RBFOX1: variants seen among roughly 807,000 people sequenced by gnomAD.
RBFOX1 encodes RNA binding fox-1 homolog 1, also known as RNA binding protein fox-1 homolog 1.
A neutral mutation model predicts 57.7 loss-of-function variants in RBFOX1; 8 were observed. That is an observed-to-expected ratio of 0.14 (90% confidence interval 0.08 to 0.25). The LOEUF (loss-of-function observed/expected upper bound fraction) is 0.25, where lower values mean the gene tolerates loss of function less well. RBFOX1 is among the 10% of genes least tolerant of loss of function. The pLI is 1.00. For missense variants in RBFOX1, 611 were observed against 548.5 expected (o/e 1.11, Z -1.14); for synonymous variants, 326 against 222.4 (o/e 1.47, Z -4.15).
chr16:6,945,188 G>A (rs2079258184), intron 3 of RBFOX1, among the ~76,000 whole-genome samples: 1 of 152,130 alleles, frequency 6.6e-6, no homozygotes, highest in Non-Finnish European at 1.5e-5. Flanking sequence ...ACCTCAGACT[G>A]CTTAGGAAAG....
Position 7,449,816 on chromosome 16 carries a change from A to T in RBFOX1, c.28-68331A>T, listed in dbSNP as rs943966879. ...ACACTGCTTCTGTGACATAAAGAGA[A>T]CACCTTCACAGGGTAAAGTGTTCTT... On this transcript the variant is annotated intron_variant, in intron 4 of 15. Coordinates refer to ENST00000550418, the MANE Select transcript of RBFOX1 (RefSeq NM_018723.4). Among the ~76,000 whole-genome samples the T allele has an allele frequency of 2.6e-5, 4 of 152,014 alleles. No individual in the cohort carries two copies. In the South Asian group the frequency reaches 8.3e-4, roughly 32 times the overall value.
At chr16:6,511,081 C>T (rs941870012) in intron 2 of RBFOX1, among the ~76,000 whole-genome samples, 6 of 152,102 alleles carry the variant, frequency 3.9e-5, no homozygotes, top group African/African-American at 7.2e-5. Context: ...ATTGAGGTAG[C>T]GTGGATCAGA....
chr16:6,171,781 G>T (rs2096962359), intron 1 of RBFOX1, among the ~76,000 whole-genome samples: 1 of 150,368 alleles, frequency 6.7e-6, no homozygotes, highest in East Asian at 2.0e-4. Flanking sequence ...CAAAGGGTCT[G>T]GGTGACTTGG....
At position 5,255,322 on chromosome 16, in the gene RBFOX1, TTCCA is replaced by T. The variant is rs3041858; in HGVS notation, c.219+15245_219+15248del. Among the ~76,000 whole-genome samples the T allele has an allele frequency of 6.1e-3, 732 of 119,472 alleles. 4 individuals carry two copies. The highest frequency in any genetic ancestry group is 8.1e-3 in the Non-Finnish European group (452 of 55,940). The allele number at this position is 119,472 out of a possible 152,430, so 78.4% of individuals were successfully genotyped here. A position where few individuals can be genotyped will look rare whatever the true frequency, so the allele number is the denominator to read the frequency against. On this transcript the variant is annotated intron_variant, in intron 1 of 2. Coordinates refer to the RBFOX1 transcript ENST00000585867. ...TGTCCGCCTATCCGTCCACACTTCCTTCCATCCATCCATCCATCCATCCATCCAT... is the reference window on the plus strand; with the variant it reads ...TGTCCGCCTATCCGTCCACACTTCCTTCCATCCATCCATCCATCCATCCAT...
chr16:6,095,893 G>A (rs1204437615), intron 1 of RBFOX1, among the ~76,000 whole-genome samples: 1 of 152,158 alleles, frequency 6.6e-6, no homozygotes, highest in African/African-American at 2.4e-5. Context: ...CTCCTGGCGT[G>A]CCTTCCCACA....
intron 4 of RBFOX1, among the ~76,000 whole-genome samples, chr16:6,009,819 T>C (rs939789522): frequency 1.3e-5 from 2 of 151,232 alleles, no homozygotes; most frequent in African/African-American, 4.8e-5. Flanking sequence ...TGTGTGTCTG[T>C]GTGTGTGTGT....
At chr16:7,312,249 G>C (rs899428882) in intron 4 of RBFOX1, among the ~76,000 whole-genome samples, 9 of 152,122 alleles carry the variant, frequency 5.9e-5, no homozygotes, top group African/African-American at 2.2e-4. Context: ...GCGTGGTGGA[G>C]CACACTTGTA....
chr16:6,863,339 G>T (rs984235415), intron 3 of RBFOX1, among the ~76,000 whole-genome samples: 3 of 152,012 alleles, frequency 2.0e-5, no homozygotes, highest in African/African-American at 4.8e-5. Flanking sequence ...ACAAAACGTG[G>T]CTCACCAGGA....
intron 2 of RBFOX1, among the ~76,000 whole-genome samples, chr16:6,409,656 G>T (rs1250815766): frequency 6.6e-6 from 1 of 152,056 alleles, no homozygotes; most frequent in Non-Finnish European, 1.5e-5. Flanking sequence ...AAAATAATAT[G>T]GTCCCCAAAT....
intron 3 of RBFOX1, among the ~76,000 whole-genome samples, chr16:7,012,656 T>C (rs118168470): frequency 0.013 from 1,948 of 152,308 alleles, 18 homozygotes; most frequent in Admixed American, 0.027. Context: ...CCTTTCTTTA[T>C]TATGGGACAA....
chr16:7,304,833 T>C (rs1030806599), intron 4 of RBFOX1, among the ~76,000 whole-genome samples: 1 of 152,074 alleles, frequency 6.6e-6, no homozygotes, highest in Non-Finnish European at 1.5e-5. Context: ...TTTGAATCTT[T>C]GTGGAGGCAT....
intron 4 of RBFOX1, among the ~76,000 whole-genome samples, chr16:7,360,702 C>T (rs1041969102): frequency 2.0e-5 from 3 of 152,202 alleles, no homozygotes; most frequent in Non-Finnish European, 4.4e-5. Flanking sequence ...TAAATCTTCT[C>T]TGGATAATGC....
chr16:6,236,650 C>A (rs536692871), intron 1 of RBFOX1, among the ~76,000 whole-genome samples: 42 of 152,022 alleles, frequency 2.8e-4, no homozygotes, highest in African/African-American at 9.4e-4. Context: ...GGGGTTTCAC[C>A]ATGTTGTCCA....
intron 1 of RBFOX1, among the ~76,000 whole-genome samples, chr16:6,223,797 A>G (rs1231036072): frequency 1.3e-5 from 2 of 152,156 alleles, no homozygotes. Context: ...CTTGAATGGT[A>G]ATGCCTAGGT....
intron 4 of RBFOX1, among the ~76,000 whole-genome samples, chr16:7,220,070 C>G (rs1406749695): frequency 1.3e-5 from 2 of 152,030 alleles, no homozygotes; most frequent in African/African-American, 4.8e-5. Flanking sequence ...ATTGTTTGAC[C>G]TTAGAGAGAT....
chr16:6,018,644 C>T (rs951682526), upstream of RBFOX1, among the ~76,000 whole-genome samples: 2 of 152,094 alleles, frequency 1.3e-5, no homozygotes, highest in Non-Finnish European at 2.9e-5. Flanking sequence ...GGATAGGGCT[C>T]GATCTCTGCC....
intron 4 of RBFOX1, among the ~76,000 whole-genome samples, chr16:7,279,396 T>C (rs1225229694): frequency 6.6e-6 from 1 of 152,222 alleles, no homozygotes; most frequent in African/African-American, 2.4e-5. Context: ...CTTGAATTCA[T>C]TTCTCTGTGC....
chr16:7,549,405 A>G (rs1261218523), intron 5 of RBFOX1, among the ~76,000 whole-genome samples: 1 of 152,244 alleles, frequency 6.6e-6, no homozygotes, highest in East Asian at 1.9e-4. Context: ...GTTTTGAAGC[A>G]TGAAGAGTAC....
At chr16:5,889,974 G>A (rs1038223610) in intron 4 of RBFOX1, among the ~76,000 whole-genome samples, 2 of 152,240 alleles carry the variant, frequency 1.3e-5, no homozygotes, top group African/African-American at 2.4e-5. Context: ...CGTGTGAGAT[G>A]TAGCTCCAGC....
Sources: gnomAD v4.1 joint callset for allele counts (sites outside exome capture counted in the v4.1 genomes callset) on GRCh38, gnomAD v4.1.1 for gene constraint, MANE v1.5 for transcripts, NCBI Gene and HGNC (gene_info 2026-07-23, HGNC 2026-07-21) for gene names.